SLTM: variants seen among roughly 807,000 people sequenced by gnomAD.
SLTM encodes the protein SAFB like transcription modulator, also known as SAFB-like transcription modulator.
Under a neutral mutation model 134.6 loss-of-function variants are expected in SLTM, and 43 were observed. The observed-to-expected ratio is 0.32, with a 90% CI of 0.25 to 0.41. The LOEUF (loss-of-function observed/expected upper bound fraction) is 0.41. Among genes scored for constraint, SLTM ranks in the 10% least tolerant of loss-of-function variants. The probability of loss-of-function intolerance (pLI) is 1.00; values close to 1 mark genes in which losing one functional copy is unlikely to be tolerated. For synonymous variants in SLTM, 424 were observed against 432.3 expected, an observed-to-expected ratio of 0.98 and a Z score of 0.24; for missense variants, 1,055 against 1,288.8, an observed-to-expected ratio of 0.82 and a Z score of 2.78.
intron 2 of SLTM, among the ~76,000 whole-genome samples, chr15:58,931,628 G>T (rs2037886937): frequency 6.6e-6 from 1 of 152,046 alleles, no homozygotes; most frequent in African/African-American, 2.4e-5. Context: ...TCAAATAAAG[G>T]TTTCATTTAC....
intron 20 of SLTM, among the ~76,000 whole-genome samples, chr15:58,883,199 C>T (rs766272174): frequency 4.7e-4 from 72 of 152,186 alleles, no homozygotes; most frequent in Non-Finnish European, 1.3e-4. Flanking sequence ...CCTGTAATCC[C>T]AGCTACTTGG....
Position 58,933,584 on chromosome 15 carries a change from T to A in SLTM, c.-19A>T, listed in dbSNP as rs1350510096. 6.4e-7 allele frequency: 1 copy of A among 1,561,242 alleles called. No homozygotes were observed. The highest frequency in any genetic ancestry group is 1.9e-5 in the Admixed American group (1 of 53,724). ...CAGCCATCTTAGAAGAGCAGCGCGC[T>A]GCCGAGGCAGCGAGTGGGCTGCAGG... On this transcript the variant is annotated 5_prime_UTR_variant, in exon 1 of 21. Coordinates refer to ENST00000380516, the MANE Select transcript of SLTM (RefSeq NM_024755.4).
chr15:58,887,221 G>T lies in SLTM; in HGVS notation c.2690+5C>A. The T allele has an allele frequency of 6.2e-7, 1 of 1,613,504 alleles. No individual in the cohort carries two copies. Among genetic ancestry groups the T allele is most frequent in the South Asian group, 1.1e-5 (1 of 91,044 alleles). ...CTAGGAAAGCATTACATAGTACACA[G>T]CTACCTTGTTTCCCGTTTGTCAGTG... On this transcript the variant is annotated splice_donor_5th_base_variant and intron_variant, in intron 18 of 20. Transcript: ENST00000380516.
intron 2 of SLTM, among the ~76,000 whole-genome samples, chr15:58,920,842 C>G (rs12148858): frequency 0.63 from 95,824 of 151,328 alleles, 32,067 homozygotes; most frequent in Middle Eastern, 0.79. Context: ...GTAATCCCAG[C>G]TACTCGGGAG....
At chr15:58,908,447 G>A (rs547815144) in intron 5 of SLTM, among the ~76,000 whole-genome samples, 1 of 152,100 alleles carries the variant, frequency 6.6e-6, no homozygotes, top group Non-Finnish European at 1.5e-5. Context: ...GCTCACTGCA[G>A]CCTTGACCTC....
intron 5 of SLTM, among the ~76,000 whole-genome samples, chr15:58,901,927 C>T (rs2035514596): frequency 6.6e-6 from 1 of 151,694 alleles, no homozygotes; most frequent in Non-Finnish European, 1.5e-5. Context: ...CACACATATA[C>T]CGATGGCAAA....
Position 58,899,576 on chromosome 15 carries a change from G to A in SLTM, c.951C>T (p.Val317=), listed in dbSNP as rs761062504. The A allele has an allele frequency of 5.0e-6, 8 of 1,613,918 alleles. No individual in the cohort carries two copies. The highest frequency in any genetic ancestry group is 1.3e-5 in the African/African-American group (1 of 74,890). ...KKEDCVKGDP[V]EKEARESSKK... The stretch of plus-strand genomic sequence containing the variant: ...TAGAACTTTCTCTGGCTTCCTTCTC[G>A]ACAGGGTCACCCTTCACGCAGTCTT... The change falls in exon 7 of 21, where the codon GTC becomes GTT. Residue 317 remains valine, a synonymous_variant. Transcript: ENST00000380516. The surrounding 1 kb of genome is among the most constrained non-coding windows in gnomAD (Gnocchi z 5.0).
At chr15:58,929,435 C>T (rs1357778125) in intron 2 of SLTM, among the ~76,000 whole-genome samples, 3 of 151,724 alleles carry the variant, frequency 2.0e-5, no homozygotes, top group African/African-American at 7.3e-5. Context: ...GTGACAAGAG[C>T]GAAACTCCAT....
intron 2 of SLTM, among the ~76,000 whole-genome samples, chr15:58,926,286 T>C (rs1369912480): frequency 2.0e-5 from 3 of 152,178 alleles, no homozygotes; most frequent in Non-Finnish European, 4.4e-5. Flanking sequence ...TACAGAAATA[T>C]TTAAGTTCTA....
intron 2 of SLTM, among the ~76,000 whole-genome samples, chr15:58,924,965 G>A (rs1295766457): frequency 2.6e-5 from 4 of 151,538 alleles, no homozygotes; most frequent in Admixed American, 1.3e-4. Flanking sequence ...GATTACAGGC[G>A]TGAGCCACTG....
intron 12 of SLTM, 72 bp from the exon 13 acceptor site, chr15:58,893,436 G>T: frequency 9.5e-7 from 1 of 1,050,204 alleles, no homozygotes; most frequent in Non-Finnish European, 1.4e-6. Context: ...ATGTAAAAAT[G>T]CTAAATTCTG....
chr15:58,887,413 T>C lies in SLTM; in HGVS notation c.2503A>G (p.Arg835Gly), dbSNP rs774505101. 1.2e-6 allele frequency: 2 copies of C among 1,614,136 alleles called. No individual in the cohort carries two copies. Among genetic ancestry groups the C allele is most frequent in the African/African-American group, 1.3e-5 (1 of 75,042 alleles). ...DSRRNEPPPP[R>G]NELRESDRRE... is the part of the protein sequence containing the mutation. Reference sequence around the variant, plus strand: ...CTGTCTGATTCTCTAAGTTCATTTCTTGGTGGTGGAGGCTCATTTCTTCTG... The same window carrying C: ...CTGTCTGATTCTCTAAGTTCATTTCCTGGTGGTGGAGGCTCATTTCTTCTG... The change falls in exon 18 of 21, where the codon AGA becomes GGA. Residue 835 changes from arginine (R) to glycine (G), a missense_variant. Arg to Gly is a moderately radical substitution (Grantham distance 125). Around this residue, in one of 3 missense-constraint regions of SLTM, gnomAD observed 776 missense variants for 962.2 expected, o/e 0.81. Coordinates refer to ENST00000380516, the MANE Select transcript of SLTM (RefSeq NM_024755.4).
rs201278554 is a variant in SLTM, at chr15:58,915,048, G to A, written c.316-1352C>T. Among the ~76,000 whole-genome samples, 11 of 152,096 alleles carry A rather than the reference G, an allele frequency of 7.2e-5. No individual in the cohort carries two copies. In the East Asian group the frequency reaches 1.5e-3, roughly 21 times the overall value. On this transcript the variant is annotated intron_variant, in intron 3 of 20. Transcript: ENST00000380516. ...CTCTACTAAAATACGAAAATTAGCCGGGCCTGGTGCGGTAAGCCGGTAATC... is the reference window on the plus strand; with the variant it reads ...CTCTACTAAAATACGAAAATTAGCCAGGCCTGGTGCGGTAAGCCGGTAATC...
chr15:58,917,232 C>T (rs1351769570), intron 2 of SLTM, among the ~76,000 whole-genome samples: 1 of 152,186 alleles, frequency 6.6e-6, no homozygotes, highest in Non-Finnish European at 1.5e-5. Flanking sequence ...AACCCATCAG[C>T]TTAACTGACT....
chr15:58,925,073 T>TA (rs61197202), intron 2 of SLTM, among the ~76,000 whole-genome samples: 74,580 of 124,884 alleles, frequency 0.6, 22,416 homozygotes, highest in Middle Eastern at 0.75. Flanking sequence ...GATAAAATGT[T>TA]AAAAAAAAAA....
chr15:58,919,193 G>A (rs1036972865), intron 2 of SLTM, among the ~76,000 whole-genome samples: 9 of 152,196 alleles, frequency 5.9e-5, no homozygotes, highest in South Asian at 2.1e-4. Context: ...GATAACAGGC[G>A]TGAGCCACCA....
rs753000101 is a variant in SLTM, at chr15:58,933,445, T to C, written c.121A>G (p.Ile41Val). Residue 41 changes from isoleucine (I) to valine (V), a missense_variant, in exon 1 of 21, where the codon ATC (isoleucine) becomes GTC (valine). Around this residue, in one of 3 missense-constraint regions of SLTM, gnomAD observed 268 missense variants for 284.3 expected, o/e 0.94. Coordinates refer to ENST00000380516, the MANE Select transcript of SLTM (RefSeq NM_024755.4). ...KSELKRRNLD[I>V]TGVKTVLISR... Reference sequence around the variant, plus strand: ...ATGAGCACGGTCTTGACTCCGGTGATGTCTAAGTTCCGCCGCTTCAGCTCG... The same window carrying C: ...ATGAGCACGGTCTTGACTCCGGTGACGTCTAAGTTCCGCCGCTTCAGCTCG... The C allele has an allele frequency of 1.9e-6, 3 of 1,594,106 alleles. No homozygotes were observed. The South Asian group carries it at 3.4e-5, about 18-fold the overall frequency.
intron 5 of SLTM, among the ~76,000 whole-genome samples, chr15:58,904,604 G>A (rs1372898330): frequency 2.7e-5 from 4 of 149,148 alleles, no homozygotes; most frequent in Non-Finnish European, 5.9e-5. Flanking sequence ...GGAGTGCAGT[G>A]GCACGATCTC....
chr15:58,895,017 T>C (rs1232719323), intron 9 of SLTM, among the ~76,000 whole-genome samples: 2 of 152,200 alleles, frequency 1.3e-5, no homozygotes, highest in Admixed American at 6.5e-5. Context: ...TTTCATATTC[T>C]TGTGATCACC....
Sources: gnomAD v4.1 joint callset for allele counts (sites outside exome capture counted in the v4.1 genomes callset) on GRCh38, gnomAD v4.1.1 for gene constraint, gnomAD v4.1.1 regional missense constraint, Gnocchi (gnomAD v3.1) non-coding constraint, MANE v1.5 for transcripts, NCBI Gene and HGNC (gene_info 2026-07-23, HGNC 2026-07-21) for gene names.